The following RPRD2 variants were observed in gnomAD, a reference collection of about 807,000 sequenced individuals.
The protein encoded by RPRD2 is regulation of nuclear pre-mRNA domain containing 2, also known as regulation of nuclear pre-mRNA domain-containing protein 2.
A neutral mutation model predicts 104.4 loss-of-function variants in RPRD2; 12 were observed. The observed-to-expected ratio is 0.11, with a 90% confidence interval of 0.07 to 0.19. RPRD2 has a LOEUF of 0.19. RPRD2 is among the 10% of genes least tolerant of loss of function. RPRD2 has a pLI of 1.00. For synonymous variants in RPRD2, 714 were observed against 684.9 expected, an observed-to-expected ratio of 1.04 and a Z score of -0.66; for missense variants, 1,543 against 1,790.1, an observed-to-expected ratio of 0.86 and a Z score of 2.49.
At chr1:150,400,105 T>A (rs1553885022) in intron 1 of RPRD2, among the ~76,000 whole-genome samples, 4 of 152,220 alleles carry the variant, frequency 2.6e-5, no homozygotes, top group African/African-American at 9.6e-5. Context: ...TGCATGTATT[T>A]TACTAGGTGA....
intron 2 of RPRD2, among the ~76,000 whole-genome samples, chr1:150,439,591 C>A (rs368185594): frequency 1.3e-5 from 2 of 150,808 alleles, no homozygotes; most frequent in East Asian, 3.9e-4. Flanking sequence ...GATTCATAGG[C>A]TCTCATCCTT....
Position 150,473,025 on chromosome 1 carries a change from C to G in RPRD2, c.4077C>G (p.Gly1359=). ...HGGPTQRDLN[G]PGLSRVRESL... ...GCCCCACCCAACGGGACCTCAACGG[C>G]CCTGGCCTTAGCCGTGTACGAGAGA... Residue 1359 remains glycine, a synonymous_variant, in exon 11 of 11, where the codon GGC becomes GGG. Transcript: ENST00000369068. 6.2e-7 allele frequency: 1 copy of G among 1,614,032 alleles called. No individual in the cohort carries two copies. Among genetic ancestry groups the G allele is most frequent in the Non-Finnish European group, 8.5e-7 (1 of 1,179,898 alleles).
intron 1 of RPRD2, among the ~76,000 whole-genome samples, chr1:150,381,605 T>G (rs943118110): frequency 6.6e-6 from 1 of 151,352 alleles, no homozygotes; most frequent in Non-Finnish European, 1.5e-5. Context: ...CCTGGGTTCA[T>G]GCCATTCTCC....
At position 150,398,129 on chromosome 1, in the gene RPRD2, G is replaced by A. The variant is rs993732810; in HGVS notation, c.206-19467G>A. On this transcript the variant is annotated intron_variant, in intron 1 of 10. Transcript: ENST00000369068. ...CAGCACCCCACCCCACCCCCACCCC[G>A]CAGTAGCTGGAATTACAGGCACCTG... Among the ~76,000 whole-genome samples, 6 of 43,206 alleles carry A rather than the reference G, an allele frequency of 1.4e-4. No individual in the cohort carries two copies. In the East Asian group the frequency reaches 2.9e-3, roughly 21 times the overall value. 28.3% of individuals were successfully genotyped at this position (43,206 alleles called of 152,430 possible).
chr1:150,471,392 A>G lies in RPRD2; in HGVS notation c.2444A>G (p.Asp815Gly). 6.2e-7 allele frequency: 1 copy of G among 1,613,798 alleles called. No individual in the cohort carries two copies. The highest frequency in any genetic ancestry group is 1.3e-5 in the African/African-American group (1 of 74,986). ...DGMERPSSLMDSSQEKFYPDT... is the reference protein window; with the variant it reads ...DGMERPSSLMGSSQEKFYPDT... ...ATGGAGAGACCATCTTCCCTGATGG[A>G]CTCTTCACAGGAAAAGTTCTACCCA... Residue 815 changes from aspartate (D) to glycine (G), a missense_variant, in exon 11 of 11, where the codon GAC (aspartate) becomes GGC (glycine). Asp to Gly is a moderately conservative substitution (Grantham distance 94, BLOSUM62 -1). Transcript: ENST00000369068. This position sits in a 1 kb window ranked among gnomAD's most constrained non-coding sequence, Gnocchi z 5.3.
At chr1:150,440,570 C>G (rs1454313997) in intron 2 of RPRD2, among the ~76,000 whole-genome samples, 1 of 152,118 alleles carries the variant, frequency 6.6e-6, no homozygotes, top group Non-Finnish European at 1.5e-5. Context: ...TACAGCATTG[C>G]TAAACCTTGT....
chr1:150,426,080 G>A (rs587769329), intron 2 of RPRD2, among the ~76,000 whole-genome samples: 5 of 152,214 alleles, frequency 3.3e-5, no homozygotes, highest in South Asian at 4.2e-4. Flanking sequence ...TGCCTTGAGC[G>A]ACAGAGTGAG....
At chr1:150,436,419 G>A (rs890371966) in intron 2 of RPRD2, among the ~76,000 whole-genome samples, 12 of 150,568 alleles carry the variant, frequency 8.0e-5, no homozygotes, top group Non-Finnish European at 1.5e-4. Flanking sequence ...GGCTAACACC[G>A]TGAAACCCCG....
At position 150,364,800 on chromosome 1, in the gene RPRD2, G is replaced by C; in HGVS notation, c.86G>C (p.Arg29Pro). 6.2e-7 allele frequency: 1 copy of C among 1,613,708 alleles called. No individual in the cohort carries two copies. The highest frequency in any genetic ancestry group is 8.5e-7 in the Non-Finnish European group (1 of 1,179,760). ...SAGALESSLD[R>P]KFQSVTNTME... is the part of the protein sequence containing the mutation. ...GGGGCTCTGGAGTCCTCGTTGGATC[G>C]AAAATTCCAGTCGGTAACCAACACC... The change falls in exon 1 of 11, where the codon CGA becomes CCA. Residue 29 changes from arginine (R) to proline (P), a missense_variant. Around this residue, in one of 4 missense-constraint regions of RPRD2, gnomAD observed 88 missense variants for 96.6 expected, o/e 0.91. Coordinates refer to ENST00000369068, the MANE Select transcript of RPRD2 (RefSeq NM_015203.5).
At chr1:150,443,131 A>G (rs970865530) in intron 4 of RPRD2, 100 bp from the exon 5 acceptor site, 30 of 713,018 alleles carry the variant, frequency 4.2e-5, no homozygotes, top group Middle Eastern at 2.8e-4. Flanking sequence ...CATGTTTGCC[A>G]TATGTTCAGA....
At chr1:150,466,859 C>T (rs907843206) in intron 10 of RPRD2, among the ~76,000 whole-genome samples, 1 of 152,052 alleles carries the variant, frequency 6.6e-6, no homozygotes, top group Non-Finnish European at 1.5e-5. Context: ...ATTACAAATA[C>T]CAGGGCAATA....
At chr1:150,406,041 G>A (rs2102236828) in intron 1 of RPRD2, among the ~76,000 whole-genome samples, 1 of 152,258 alleles carries the variant, frequency 6.6e-6, no homozygotes, top group African/African-American at 2.4e-5. Context: ...TGAATCATAT[G>A]CTGAAGTTGC....
Position 150,474,970 on chromosome 1 carries a change from G to T in RPRD2, c.*1636G>T, listed in dbSNP as rs1668817278. ...GCAGCATAAACCAGGTGCACATCAT[G>T]ATTTGGGAGTTTTTGCGTAATTTAT... On this transcript the variant is annotated 3_prime_UTR_variant, in exon 11 of 11. Coordinates refer to ENST00000369068, the MANE Select transcript of RPRD2 (RefSeq NM_015203.5). The T allele has an allele frequency of 6.6e-6, 1 of 152,170 alleles. No individual in the cohort carries two copies. Among genetic ancestry groups the T allele is most frequent in the Non-Finnish European group, 1.5e-5 (1 of 68,038 alleles). The allele number at this position is 152,170 out of a possible 1,614,324, so 9.4% of individuals were successfully genotyped here. A position where few individuals can be genotyped will look rare whatever the true frequency, so the allele number is the denominator to read the frequency against.
intron 8 of RPRD2, among the ~76,000 whole-genome samples, chr1:150,458,563 CTG>C (rs1160444980): frequency 6.6e-6 from 1 of 151,940 alleles, no homozygotes; most frequent in Non-Finnish European, 1.5e-5. Flanking sequence ...ATTTATAACA[CTG>C]AAATGAAAAT....
chr1:150,471,051 A>G lies in RPRD2; in HGVS notation c.2103A>G (p.Ser701=). 1 of 1,614,026 alleles carries G rather than the reference A, an allele frequency of 6.2e-7. No homozygotes were observed. The highest frequency in any genetic ancestry group is 1.6e-4 in the Middle Eastern group (1 of 6,062). Residue 701 remains serine (S), a synonymous_variant, in exon 11 of 11, where the codon TCA becomes TCG. Coordinates refer to ENST00000369068, the MANE Select transcript of RPRD2 (RefSeq NM_015203.5). This position sits in a 1 kb window ranked among gnomAD's most constrained non-coding sequence, Gnocchi z 5.3. ...ILSSLGSSAP[S]ESHPSDFQRG... ...GCAGTTTGGGGTCCAGCGCCCCATC[A>G]GAGAGCCATCCCTCAGACTTCCAGC...
intron 7 of RPRD2, among the ~76,000 whole-genome samples, chr1:150,456,831 A>G (rs1667563733): frequency 6.6e-6 from 1 of 151,960 alleles, no homozygotes; most frequent in Non-Finnish European, 1.5e-5. Flanking sequence ...AGGCCGAGGC[A>G]GGAGAATCAC....
At chr1:150,390,370 G>T (rs782608456) in intron 1 of RPRD2, among the ~76,000 whole-genome samples, 2 of 152,052 alleles carry the variant, frequency 1.3e-5, no homozygotes, top group Non-Finnish European at 2.9e-5. Context: ...GGTGGCACAT[G>T]CCTGTAGTCT....
chr1:150,472,157 C>T lies in RPRD2; in HGVS notation c.3209C>T (p.Ser1070Phe). 1 of 1,613,934 alleles carries T rather than the reference C, an allele frequency of 6.2e-7. No homozygotes were observed. The highest frequency in any genetic ancestry group is 2.2e-5 in the East Asian group (1 of 44,882). ...CGCATAGAAACCCGCGTCTCCTCCT[C>T]CTGCTTAGACTTGCCTGATAGCACA... Reference protein sequence around the residue: ...HYRIETRVSSSCLDLPDSTEE... With the variant: ...HYRIETRVSSFCLDLPDSTEE... Residue 1070 changes from serine (S) to phenylalanine (F), a missense_variant, in exon 11 of 11, where the codon TCC (serine) becomes TTC (phenylalanine). Ser to Phe is a radical substitution (Grantham distance 155, BLOSUM62 -2). Transcript: ENST00000369068.
At chr1:150,430,360 A>G (rs1032496582) in intron 2 of RPRD2, among the ~76,000 whole-genome samples, 3 of 152,188 alleles carry the variant, frequency 2.0e-5, no homozygotes, top group Non-Finnish European at 4.4e-5. Flanking sequence ...CAACAGGAGA[A>G]ATAAGGAGTG....
Sources: allele counts gnomAD v4.1 joint callset (sites outside exome capture counted in the v4.1 genomes callset), GRCh38; gene constraint gnomAD v4.1.1; regional missense constraint gnomAD v4.1.1; non-coding constraint Gnocchi (gnomAD v3.1); transcripts MANE v1.5; gene names NCBI Gene and HGNC (gene_info 2026-07-23, HGNC 2026-07-21).